The following SLC17A6 variants were observed in gnomAD, a reference collection of about 807,000 sequenced individuals.
SLC17A6 encodes vesicular glutamate transporter 2.
Under a neutral mutation model 67.1 loss-of-function variants are expected in SLC17A6, and 35 were observed. The observed-to-expected ratio is 0.52, with a 90% CI of 0.40 to 0.69. SLC17A6 has a LOEUF of 0.69. SLC17A6 is among the 30% of genes least tolerant of loss of function. SLC17A6 has a pLI of 0.00. For missense variants in SLC17A6, 588 were observed against 723.9 expected (o/e 0.81, Z 2.15); for synonymous variants, 285 against 252.3 (o/e 1.13, Z -1.23).
At chr11:22,367,436 G>A (rs1340873672) in intron 7 of SLC17A6, among the ~76,000 whole-genome samples, 1 of 152,178 alleles carries the variant, frequency 6.6e-6, no homozygotes, top group Non-Finnish European at 1.5e-5. Context: ...CTTGGCATTA[G>A]AACTTTCCTC....
At position 22,362,409 on chromosome 11, in the gene SLC17A6, G is replaced by T. The variant is rs372324633; in HGVS notation, c.662-330G>T. The T allele has an allele frequency of 1.2e-3, 460 of 368,800 alleles. 5 individuals carry two copies. The highest frequency in any genetic ancestry group is 0.01 in the South Asian group (351 of 34,916). 22.8% of individuals were successfully genotyped at this position (368,800 alleles called of 1,614,324 possible). A position where few individuals can be genotyped will look rare whatever the true frequency, so the allele number is the denominator to read the frequency against. ...CGCAAGAATAGATTTTAGGTGTCTG[G>T]TTAGTATTGCCATACTCTGTCCCAA... On this transcript the variant is annotated intron_variant, in intron 5 of 11. Coordinates refer to ENST00000263160, the MANE Select transcript of SLC17A6 (RefSeq NM_020346.3).
chr11:22,341,686 G>GAT lies in SLC17A6; in HGVS notation c.245_246insAT (p.Cys82Ter). The GAT allele has an allele frequency of 1.2e-6, 2 of 1,614,240 alleles. No individual in the cohort carries two copies. Among genetic ancestry groups the GAT allele is most frequent in the Non-Finnish European group, 1.7e-6 (2 of 1,180,048 alleles). ...GCCATCATGAGCGGCCTGGGCTTCT[G>GAT]CATCTCCTTCGGTATCCGCTGCAAC... ...IIAIMSGLGF[C>*]ISFGIRCNLG... The change falls in exon 2 of 12, where the codon TGC becomes TGATC. Residue 82 changes from cysteine (C) to a stop codon, truncating the protein, a stop_gained and frameshift_variant. Transcript: ENST00000263160. LOFTEE classifies it high-confidence loss of function.
chr11:22,372,913 C>T (rs150193704), intron 8 of SLC17A6, among the ~76,000 whole-genome samples: 1 of 152,240 alleles, frequency 6.6e-6, no homozygotes, highest in Non-Finnish European at 1.5e-5. Context: ...AAACTTGAAA[C>T]CTCTTTGGCT....
chr11:22,376,811 G>A (rs1856237383), intron 11 of SLC17A6, 139 bp downstream of exon 11: 2 of 840,008 alleles, frequency 2.4e-6, no homozygotes, highest in South Asian at 1.7e-5. Context: ...AAATATAAAT[G>A]AGGCTCAGAA....
chr11:22,345,239 A>C (rs1432946329), intron 3 of SLC17A6, among the ~76,000 whole-genome samples: 3 of 151,504 alleles, frequency 2.0e-5, no homozygotes, highest in African/African-American at 7.3e-5. Flanking sequence ...ACTCATTATT[A>C]TCTGTGTCAT....
chr11:22,370,266 T>G (rs953900942), intron 8 of SLC17A6, 78 bp downstream of exon 8: 4 of 1,200,356 alleles, frequency 3.3e-6, no homozygotes, highest in Non-Finnish European at 4.7e-6. Context: ...TGCAAAAATT[T>G]TTATCTTCTA....
chr11:22,377,614 C>A lies in SLC17A6; in HGVS notation c.1623C>A (p.Thr541=). Residue 541 remains threonine (T), a synonymous_variant, in exon 12 of 12, where the codon ACC becomes ACA. Transcript: ENST00000263160. ...AAAATTATATAAATTATGGTACCAC[C>A]AAGTCTTATGGTGCCACAACACAGG... The part of the protein sequence containing the change: ...ITQNYINYGT[T]KSYGATTQAN... 1 of 1,613,962 alleles carries A rather than the reference C, an allele frequency of 6.2e-7. No homozygotes were observed. Among genetic ancestry groups the A allele is most frequent in the Non-Finnish European group, 8.5e-7 (1 of 1,179,956 alleles).
At chr11:22,338,830 T>TGTGTGTGC (rs1855767172) in intron 1 of SLC17A6, among the ~76,000 whole-genome samples, 1 of 150,906 alleles carries the variant, frequency 6.6e-6, no homozygotes, top group African/African-American at 2.4e-5. Flanking sequence ...TGTGTGTGTG[T>TGTGTGTGC]GTGTGTGTGT....
intron 3 of SLC17A6, among the ~76,000 whole-genome samples, chr11:22,354,573 T>A (rs1308272464): frequency 6.6e-6 from 1 of 152,156 alleles, no homozygotes; most frequent in Admixed American, 6.5e-5. Flanking sequence ...CTACCATCCA[T>A]CTTTCAATAA....
At chr11:22,344,077 G>T (rs1855850040) in intron 3 of SLC17A6, among the ~76,000 whole-genome samples, 1 of 152,110 alleles carries the variant, frequency 6.6e-6, no homozygotes, top group African/African-American at 2.4e-5. Flanking sequence ...GTGTCGAGGG[G>T]CACGCTTGGC....
In SLC17A6 at chr11:22,364,930, T is replaced by C. The variant is rs533554956; in HGVS notation, c.749-617T>C. ...AAAGAAGGATCAATAGGCAATACTA[T>C]GTGCTGAAAATAATATGGTATACAG... is the stretch of plus-strand genomic sequence containing the variant. On this transcript the variant is annotated intron_variant, in intron 6 of 11. Transcript: ENST00000263160. Among the ~76,000 whole-genome samples the C allele has an allele frequency of 2.0e-5, 3 of 152,284 alleles. No individual in the cohort carries two copies. The East Asian group carries it at 5.8e-4, about 29-fold the overall frequency.
At chr11:22,356,886 T>C (rs1855998075) in intron 3 of SLC17A6, among the ~76,000 whole-genome samples, 1 of 152,232 alleles carries the variant, frequency 6.6e-6, no homozygotes, top group Non-Finnish European at 1.5e-5. Flanking sequence ...TGATATTGTA[T>C]AATTAGAAAC....
chr11:22,371,005 A>G (rs1327129654), intron 8 of SLC17A6, among the ~76,000 whole-genome samples: 2 of 152,146 alleles, frequency 1.3e-5, no homozygotes, highest in South Asian at 2.1e-4. Context: ...CGTCATTTCT[A>G]TTGAAATGAT....
rs537966448 is a variant in SLC17A6, at chr11:22,353,346, C to CCAAAA, written c.459-6040_459-6036dup. Among the ~76,000 whole-genome samples, 656 of 151,872 alleles carry CCAAAA rather than the reference C, an allele frequency of 4.3e-3. 3 individuals carry two copies. The highest frequency in any genetic ancestry group is 8.3e-3 in the African/African-American group (344 of 41,386). On this transcript the variant is annotated intron_variant, in intron 3 of 11. Transcript: ENST00000263160. ...TTTAATTTGGATTTTCACAGTGTAA[C>CCAAAA]CAAAACAAAACAAAACAAAACAAAA...
At position 22,374,752 on chromosome 11, in the gene SLC17A6, C is replaced by A; in HGVS notation, c.1042-3C>A. The A allele has an allele frequency of 6.3e-7, 1 of 1,586,474 alleles. No homozygotes were observed. On this transcript the variant is annotated splice_region_variant and splice_polypyrimidine_tract_variant and intron_variant, in intron 8 of 11. Transcript: ENST00000263160. ...ATTTCTCTCCCTTCTTGTTTTTCAT[C>A]AGGTTGGTATGCTATCTGCTGTGCC... is the stretch of plus-strand genomic sequence containing the variant.
chr11:22,349,076 G>A (rs999451046), intron 3 of SLC17A6, among the ~76,000 whole-genome samples: 4 of 151,754 alleles, frequency 2.6e-5, no homozygotes, highest in Non-Finnish European at 4.4e-5. Context: ...ACACACACAC[G>A]CTATTGGTCT....
Position 22,370,208 on chromosome 11 carries a change from A to G in SLC17A6, c.1041+20A>G. On this transcript the variant is annotated intron_variant, in intron 8 of 11. Coordinates refer to ENST00000263160, the MANE Select transcript of SLC17A6 (RefSeq NM_020346.3). The stretch of plus-strand genomic sequence containing the variant: ...AGCAAGGTATGTAAAATGTATTCTT[A>G]TATAAATTGTGGATTACCTGTGTAT... 1 of 1,577,230 alleles carries G rather than the reference A, an allele frequency of 6.3e-7. No homozygotes were observed.
rs561309566 is a variant in SLC17A6, at chr11:22,338,610, A to G, written c.77A>G (p.Gln26Arg). ...LKNFAGKSLG[Q>R]IYRVLEKKQD... ...AATTTTGCTGGAAAATCACTCGGCC[A>G]GATCTACAGGTAAGACAAAGCGAAC... Residue 26 changes from glutamine to arginine, a missense_variant, in exon 1 of 12, where the codon CAG (glutamine) becomes CGG (arginine). Gln to Arg is a conservative substitution (Grantham distance 43). Around this residue, in one of 4 missense-constraint regions of SLC17A6, gnomAD observed 117 missense variants for 98.7 expected, o/e 1.19. Coordinates refer to ENST00000263160, the MANE Select transcript of SLC17A6 (RefSeq NM_020346.3). 3 of 1,613,100 alleles carry G rather than the reference A, an allele frequency of 1.9e-6. No homozygotes were observed. The East Asian group carries it at 6.7e-5, about 36-fold the overall frequency.
At chr11:22,343,945 T>C (rs1015118029) in intron 3 of SLC17A6, among the ~76,000 whole-genome samples, 4 of 152,076 alleles carry the variant, frequency 2.6e-5, no homozygotes. Context: ...CTGCTTTCAG[T>C]GGCCTCCTGC....
Sources: gnomAD v4.1 joint callset for allele counts (sites outside exome capture counted in the v4.1 genomes callset) on GRCh38, gnomAD v4.1.1 for gene constraint, gnomAD v4.1.1 regional missense constraint, MANE v1.5 for transcripts, NCBI Gene and HGNC (gene_info 2026-07-23, HGNC 2026-07-21) for gene names.